The following ITCH variants were observed in gnomAD, a reference collection of about 807,000 sequenced individuals.
ITCH encodes the protein E3 ubiquitin-protein ligase Itchy homolog.
ITCH carries 28 observed loss-of-function variants against 126.8 expected under a neutral mutation model. The ratio of observed to expected loss-of-function variants is 0.22; its 90% CI spans 0.16 to 0.30. ITCH has a LOEUF of 0.30. Among genes scored for constraint, ITCH ranks in the 10% least tolerant of loss-of-function variants. The probability of loss-of-function intolerance (pLI) is 1.00; values close to 1 mark genes in which losing one functional copy is unlikely to be tolerated. For missense variants in ITCH, 631 were observed against 1,032.4 expected (o/e 0.61, Z 5.33); for synonymous variants, 342 against 340.0 (o/e 1.01, Z -0.06).
chr20:34,467,945 T>G (rs1987239554), intron 14 of ITCH, among the ~76,000 whole-genome samples: 1 of 151,906 alleles, frequency 6.6e-6, no homozygotes. Context: ...CAAAATTGGT[T>G]AAAGGAGAAA....
At chr20:34,371,333 A>G (rs1040201765) in intron 2 of ITCH, among the ~76,000 whole-genome samples, 3 of 144,176 alleles carry the variant, frequency 2.1e-5, no homozygotes, top group African/African-American at 7.8e-5. Context: ...CTAGAGTGCA[A>G]TGGCACGATC....
intron 2 of ITCH, among the ~76,000 whole-genome samples, chr20:34,374,841 G>A (rs1568857068): frequency 6.6e-6 from 1 of 151,542 alleles, no homozygotes; most frequent in East Asian, 1.9e-4. Flanking sequence ...CCGGGTTCAA[G>A]CAATTCTCCT....
chr20:34,455,495 C>T (rs1240917481), intron 12 of ITCH, among the ~76,000 whole-genome samples: 3 of 145,984 alleles, frequency 2.1e-5, no homozygotes, highest in Admixed American at 6.9e-5. Flanking sequence ...TTTTTTGAGA[C>T]GGAGTCTTGC....
intron 20 of ITCH, among the ~76,000 whole-genome samples, chr20:34,483,500 G>A (rs139972541): frequency 6.6e-6 from 1 of 152,044 alleles, no homozygotes; most frequent in Admixed American, 6.6e-5. Context: ...TCTAGCACAG[G>A]GGCAAAATGC....
At chr20:34,461,842 A>C (rs910191037) in intron 13 of ITCH, among the ~76,000 whole-genome samples, 9 of 152,032 alleles carry the variant, frequency 5.9e-5, no homozygotes, top group African/African-American at 1.9e-4. Context: ...CAAAATGTTT[A>C]GGATGAGTCA....
chr20:34,432,048 C>CAAAAAAA (rs10668679), intron 7 of ITCH, among the ~76,000 whole-genome samples: 15 of 92,228 alleles, frequency 1.6e-4, no homozygotes, highest in Non-Finnish European at 2.9e-4. Flanking sequence ...GATTCTATGT[C>CAAAAAAA]AAAAAAAAAA....
rs575146717 is a variant in ITCH at position 34,386,580 on chromosome 20, C to T, written c.-21-7211C>T. Among the ~76,000 whole-genome samples the T allele has an allele frequency of 9.9e-5, 15 of 152,180 alleles. No homozygotes were observed. The South Asian group carries it at 2.9e-3, about 29-fold the overall frequency. ...CTTTCTGTCACAAGCAGTTTTTCTC[C>T]TTAGTTTTTTTGTGTCTTCTGAAAT... On this transcript the variant is annotated intron_variant, in intron 2 of 24. Transcript: ENST00000374864.
chr20:34,505,188 C>T (rs941305137), intron 24 of ITCH, among the ~76,000 whole-genome samples: 2 of 151,932 alleles, frequency 1.3e-5, no homozygotes, highest in Non-Finnish European at 2.9e-5. Flanking sequence ...GGATTACAGG[C>T]GCCCGTGACC....
At position 34,378,933 on chromosome 20, in the gene ITCH, C is replaced by G. The variant is rs567929934; in HGVS notation, c.-22+9463C>G. Among the ~76,000 whole-genome samples, 338 of 152,200 alleles carry G rather than the reference C, an allele frequency of 2.2e-3. 1 individual carries two copies. Among genetic ancestry groups the G allele is most frequent in the Non-Finnish European group, 3.9e-3 (264 of 68,004 alleles). On this transcript the variant is annotated intron_variant, in intron 2 of 24. Transcript: ENST00000374864. The stretch of plus-strand genomic sequence containing the variant: ...CAGAGGATGTACTAATCTCTGTGTT[C>G]TAATTTTTTAGTATATGTGCTGCTG...
At chr20:34,460,592 C>T (rs1471505734) in intron 13 of ITCH, among the ~76,000 whole-genome samples, 2 of 152,070 alleles carry the variant, frequency 1.3e-5, no homozygotes, top group Non-Finnish European at 2.9e-5. Flanking sequence ...CTCATCTAGT[C>T]TCATAGACAT....
chr20:34,408,919 T>G, intron 4 of ITCH, 127 bp downstream of exon 4: 1 of 998,186 alleles, frequency 1.0e-6, no homozygotes, highest in African/African-American at 1.7e-5. Context: ...TCTTTTTTTT[T>G]TTTTCTTTTT....
In ITCH at chr20:34,402,135, T is replaced by C. The variant is rs2146113114; in HGVS notation, c.71-6516T>C. 4 of 1,012,338 alleles carry C rather than the reference T, an allele frequency of 4.0e-6. No individual in the cohort carries two copies. The East Asian group carries it at 9.5e-5, about 24-fold the overall frequency. 62.7% of individuals were successfully genotyped at this position (1,012,338 alleles called of 1,614,324 possible). On this transcript the variant is annotated intron_variant, in intron 3 of 24. Coordinates refer to ENST00000374864, the MANE Select transcript of ITCH (RefSeq NM_031483.7). ...AACACCAGCTATGCAGAAAGGGCTC[T>C]GGAGAGATGTTCCTAGCAGCACACA...
intron 13 of ITCH, among the ~76,000 whole-genome samples, chr20:34,458,489 T>C (rs1198287496): frequency 6.6e-6 from 1 of 152,236 alleles, no homozygotes; most frequent in Non-Finnish European, 1.5e-5. Flanking sequence ...TTTATCTTTG[T>C]AACATGTTAT....
intron 6 of ITCH, among the ~76,000 whole-genome samples, chr20:34,416,745 G>C (rs1979909228): frequency 6.6e-6 from 1 of 151,948 alleles, no homozygotes; most frequent in Non-Finnish European, 1.5e-5. Flanking sequence ...TTTAAAACTA[G>C]CTGGCTTTAT....
intron 20 of ITCH, among the ~76,000 whole-genome samples, chr20:34,481,916 CAGG>C (rs1988782121): frequency 6.6e-6 from 1 of 152,162 alleles, no homozygotes; most frequent in South Asian, 2.1e-4. Context: ...GAGGCTGAGG[CAGG>C]AGAATGGCTT....
At position 34,471,493 on chromosome 20, in the gene ITCH, T is replaced by C; in HGVS notation, c.1547T>C (p.Leu516Ser). The C allele has an allele frequency of 6.2e-7, 1 of 1,605,476 alleles. No homozygotes were observed. Among genetic ancestry groups the C allele is most frequent in the Non-Finnish European group, 8.5e-7 (1 of 1,172,082 alleles). Residue 516 changes from leucine (L) to serine (S), a missense_variant, in exon 16 of 25, where the codon TTG becomes TCG. Leu to Ser is a moderately radical substitution (Grantham distance 145). Transcript: ENST00000374864. ...HIKITVTRKT[L>S]FEDSFQQIMS... ...AAGATTACAGTGACAAGAAAAACAT[T>C]GTTTGAGGATTCCTTTCAACAGGTA...
chr20:34,481,595 T>TA lies in ITCH; in HGVS notation c.2093+390dup, dbSNP rs563633920. Reference sequence around the variant, plus strand: ...ATAAAAAAAAGAGGTTTAATGGACTTACAGTTCCACGAGGGTGGGGAGGCC... The same window carrying TA: ...ATAAAAAAAAGAGGTTTAATGGACTTAACAGTTCCACGAGGGTGGGGAGGCC... On this transcript the variant is annotated intron_variant, in intron 20 of 24. Transcript: ENST00000374864. Among the ~76,000 whole-genome samples, 21 of 152,272 alleles carry TA rather than the reference T, an allele frequency of 1.4e-4. No homozygotes were observed. The East Asian group carries it at 3.9e-3, about 28-fold the overall frequency.
intron 2 of ITCH, among the ~76,000 whole-genome samples, chr20:34,388,172 A>G (rs2038358392): frequency 6.8e-6 from 1 of 147,466 alleles, no homozygotes; most frequent in African/African-American, 2.5e-5. Context: ...GTCACGGTTC[A>G]CTGCTGCCTC....
chr20:34,494,305 T>C (rs924995737), intron 23 of ITCH, among the ~76,000 whole-genome samples: 3 of 151,934 alleles, frequency 2.0e-5, no homozygotes, highest in Non-Finnish European at 4.4e-5. Flanking sequence ...AAGAAAGAAA[T>C]AGTATACTGT....
Sources: gnomAD v4.1 joint callset for allele counts (sites outside exome capture counted in the v4.1 genomes callset) on GRCh38, gnomAD v4.1.1 for gene constraint, MANE v1.5 for transcripts, NCBI Gene and HGNC (gene_info 2026-07-23, HGNC 2026-07-21) for gene names.